The following SLC2A5 variants were observed in gnomAD, a reference collection of about 807,000 sequenced individuals.
SLC2A5 encodes the protein solute carrier family 2, facilitated glucose transporter member 5.
A neutral mutation model predicts 50.3 loss-of-function variants in SLC2A5; 56 were observed. The ratio of observed to expected loss-of-function variants is 1.11; its 90% CI spans 0.90 to 1.39. The LOEUF is 1.39. SLC2A5 is among the 40% of genes most tolerant of loss of function. The pLI, the probability that SLC2A5 is intolerant of heterozygous loss-of-function variation, is 0.00. For missense variants in SLC2A5, 566 were observed against 650.1 expected (o/e 0.87, Z 1.41); for synonymous variants, 269 against 281.9 (o/e 0.95, Z 0.46).
chr1:9,047,558 C>G (rs1009065893), intron 4 of SLC2A5, 52 bp downstream of exon 4: 1 of 1,593,574 alleles, frequency 6.3e-7, no homozygotes, highest in Non-Finnish European at 8.6e-7. Flanking sequence ...AACCTGTTGT[C>G]CTCCTCCTTG....
At chr1:9,086,981 C>T (rs1391323046) in intron 1 of SLC2A5, among the ~76,000 whole-genome samples, 2 of 152,172 alleles carry the variant, frequency 1.3e-5, no homozygotes, top group Non-Finnish European at 2.9e-5. Flanking sequence ...CCAAGACAGC[C>T]TCCCCTGTGA....
In SLC2A5 at chr1:9,084,616, G is replaced by A. The variant is rs112509327; in HGVS notation, c.-59+398C>T. 1.1e-3 allele frequency among the ~76,000 whole-genome samples: 162 copies of A among 152,172 alleles called. 3 individuals are homozygous for A. Among genetic ancestry groups the A allele is most frequent in the African/African-American group, 3.3e-3 (137 of 41,516 alleles). On this transcript the variant is annotated intron_variant, in intron 2 of 5. Coordinates refer to the SLC2A5 transcript ENST00000464985. ...TGTTGAACATGTTCCAGCACATCAC[G>A]GACTCTGGTACTACATCAGGCACCA...
At chr1:9,076,941 C>T (rs982145112) in intron 2 of SLC2A5, among the ~76,000 whole-genome samples, 1 of 151,852 alleles carries the variant, frequency 6.6e-6, no homozygotes, top group Non-Finnish European at 1.5e-5. Flanking sequence ...AGGCGCCTGC[C>T]ACCACGCATG....
upstream of SLC2A5, chr1:9,069,801 A>C: frequency 2.1e-6 from 1 of 487,228 alleles, no homozygotes; most frequent in Non-Finnish European, 3.7e-6. Flanking sequence ...CTGATGGAAC[A>C]GTCTACGGTA....
At chr1:9,081,022 C>T (rs905846782) in intron 2 of SLC2A5, among the ~76,000 whole-genome samples, 3 of 152,054 alleles carry the variant, frequency 2.0e-5, no homozygotes, top group African/African-American at 7.2e-5. Flanking sequence ...GCAAATCACT[C>T]GAGCTCAGGA....
At chr1:9,080,046 G>A (rs1393311480) in intron 2 of SLC2A5, among the ~76,000 whole-genome samples, 5 of 152,180 alleles carry the variant, frequency 3.3e-5, no homozygotes, top group Non-Finnish European at 7.3e-5. Flanking sequence ...CCTCATGTAA[G>A]TAGGATCATG....
At chr1:9,057,407 G>A in intron 3 of SLC2A5, 41 bp downstream of exon 3, 1 of 1,507,810 alleles carries the variant, frequency 6.6e-7, no homozygotes, top group Non-Finnish European at 9.1e-7. Flanking sequence ...TCTGATGGGG[G>A]TCTATGAGTT....
chr1:9,073,492 A>G (rs1642247404), upstream of SLC2A5, among the ~76,000 whole-genome samples: 1 of 152,246 alleles, frequency 6.6e-6, no homozygotes, highest in African/African-American at 2.4e-5. Flanking sequence ...GAAGCCCCAC[A>G]GGACAGAGCA....
chr1:9,081,277 A>C (rs1557685757), intron 2 of SLC2A5, among the ~76,000 whole-genome samples: 7 of 136,880 alleles, frequency 5.1e-5, no homozygotes, highest in African/African-American at 1.4e-4. Flanking sequence ...AAAAAAAAAA[A>C]AACCCCAAAA....
In SLC2A5 at chr1:9,047,608, A is replaced by G. The variant is rs1641467283; in HGVS notation, c.418+2T>C. ...ATGGCAATACAGCATAGCATTGTTT[A>G]CCTGCACATATTCCCACCAAAAGTC... On this transcript the variant is annotated splice_donor_variant, in intron 4 of 11. Transcript: ENST00000377424. LOFTEE classifies it high-confidence loss of function. 6.2e-7 allele frequency: 1 copy of G among 1,613,474 alleles called. No homozygotes were observed. Among genetic ancestry groups the G allele is most frequent in the South Asian group, 1.1e-5 (1 of 91,024 alleles).
intron 3 of SLC2A5, among the ~76,000 whole-genome samples, chr1:9,056,583 C>G (rs1641757978): frequency 6.6e-6 from 1 of 152,102 alleles, no homozygotes; most frequent in African/African-American, 2.4e-5. Context: ...CACTCAGCCC[C>G]ACGTGCTCCT....
chr1:9,045,224 A>C (rs1189039162), intron 4 of SLC2A5, among the ~76,000 whole-genome samples: 2 of 152,190 alleles, frequency 1.3e-5, no homozygotes, highest in African/African-American at 4.8e-5. Context: ...AATGTCAAAC[A>C]AGGCCACTCT....
chr1:9,083,913 G>A (rs1197723251), intron 2 of SLC2A5, among the ~76,000 whole-genome samples: 2 of 152,250 alleles, frequency 1.3e-5, no homozygotes, highest in Non-Finnish European at 1.5e-5. Context: ...GGGAGGCCGA[G>A]GCGGGCGGAT....
At chr1:9,074,843 G>A (rs1312387322) in intron 2 of SLC2A5, among the ~76,000 whole-genome samples, 1 of 152,064 alleles carries the variant, frequency 6.6e-6, no homozygotes, top group African/African-American at 2.4e-5. Context: ...GGGCAACACA[G>A]TGAGACCTTA....
chr1:9,039,411 C>T (rs571698375), intron 8 of SLC2A5, 141 bp downstream of exon 8: 2 of 626,674 alleles, frequency 3.2e-6, no homozygotes, highest in East Asian at 3.2e-5. Flanking sequence ...TGCGGGGCCA[C>T]CTCCCACACA....
chr1:9,082,178 GA>G (rs1220119880), intron 2 of SLC2A5, among the ~76,000 whole-genome samples: 2 of 152,094 alleles, frequency 1.3e-5, no homozygotes, highest in African/African-American at 4.8e-5. Flanking sequence ...AGCTACTGAG[GA>G]AAAAACAGTT....
chr1:9,083,208 C>T (rs964291395), intron 2 of SLC2A5, among the ~76,000 whole-genome samples: 5 of 152,176 alleles, frequency 3.3e-5, no homozygotes, highest in Non-Finnish European at 5.9e-5. Flanking sequence ...TCAAAGGCAA[C>T]GCAAGGGCAG....
chr1:9,084,018 C>A (rs1450971011), intron 2 of SLC2A5, among the ~76,000 whole-genome samples: 3 of 152,022 alleles, frequency 2.0e-5, no homozygotes, highest in Non-Finnish European at 4.4e-5. Flanking sequence ...GTGGCGGGCG[C>A]CTGTAGTCCC....
rs1446504075 is a variant in SLC2A5 at position 9,053,511 on chromosome 1, AT to A, written c.293+3936del. Reference sequence around the variant, plus strand: ...TATTTATATATAATATATATTATATATTTTATCTATATATTTATATATTAAT... The same window carrying A: ...TATTTATATATAATATATATTATATATTTATCTATATATTTATATATTAAT... On this transcript the variant is annotated intron_variant, in intron 3 of 11. Coordinates refer to ENST00000377424, the MANE Select transcript of SLC2A5 (RefSeq NM_003039.3). 5.4e-3 allele frequency among the ~76,000 whole-genome samples: 472 copies of A among 87,222 alleles called. 55 individuals are homozygous for A. Among genetic ancestry groups the A allele is most frequent in the African/African-American group, 0.022 (458 of 21,266 alleles). 57.2% of individuals were successfully genotyped at this position (87,222 alleles called of 152,430 possible).
Sources: allele counts gnomAD v4.1 joint callset (sites outside exome capture counted in the v4.1 genomes callset), GRCh38; gene constraint gnomAD v4.1.1; transcripts MANE v1.5; gene names NCBI Gene and HGNC (gene_info 2026-07-23, HGNC 2026-07-21).